The following CAST variants were observed in gnomAD, a reference collection of about 807,000 sequenced individuals.
The protein encoded by CAST is calpastatin, also known as MIR583 host.
In CAST, 76 loss-of-function variants were observed where a neutral mutation model predicts 119.6. That is an observed-to-expected ratio of 0.64 (90% CI 0.53 to 0.77). The LOEUF is 0.77. Among genes scored for constraint, CAST ranks in the 30% least tolerant of loss-of-function variants. The pLI is 0.00. For synonymous variants in CAST, 319 were observed against 331.6 expected (o/e 0.96, Z 0.41); for missense variants, 953 against 946.5 (o/e 1.01, Z -0.09).
At chr5:96,332,800 C>A in the CAST span, among the ~76,000 whole-genome samples, 8 of 152,182 alleles carry the variant, frequency 5.3e-5, no homozygotes, top group Non-Finnish European at 7.3e-5. Flanking sequence ...TTCACATACA[C>A]CCCATTGAGG....
At chr5:96,531,193 A>C (rs1745682561) in intron 1 of CAST, among the ~76,000 whole-genome samples, 1 of 152,208 alleles carries the variant, frequency 6.6e-6, no homozygotes, top group South Asian at 2.1e-4. Flanking sequence ...GATGGAAAGC[A>C]GATGGAAGAG....
At chr5:96,345,401 A>T in the CAST span, among the ~76,000 whole-genome samples, 1 of 152,240 alleles carries the variant, frequency 6.6e-6, no homozygotes, top group East Asian at 1.9e-4. Context: ...GAGAGATTGT[A>T]TCTTGATTCT....
At chr5:96,298,723 T>C in the CAST span, among the ~76,000 whole-genome samples, 1 of 152,224 alleles carries the variant, frequency 6.6e-6, no homozygotes, top group Non-Finnish European at 1.5e-5. Flanking sequence ...AGTCTGTATG[T>C]AGGCTTTTAT....
chr5:96,099,696 G>A, the CAST span, among the ~76,000 whole-genome samples: 1 of 152,180 alleles, frequency 6.6e-6, no homozygotes, highest in Non-Finnish European at 1.5e-5. Flanking sequence ...TGGTTGATAA[G>A]CTTTTTGATG....
intron 1 of CAST, among the ~76,000 whole-genome samples, chr5:96,558,386 A>T (rs1309642509): frequency 6.6e-6 from 1 of 152,154 alleles, no homozygotes; most frequent in East Asian, 1.9e-4. Flanking sequence ...AGAGACACAA[A>T]AAAACCCTTC....
the CAST span, among the ~76,000 whole-genome samples, chr5:96,042,180 C>A: frequency 6.6e-6 from 1 of 151,938 alleles, no homozygotes; most frequent in Non-Finnish European, 1.5e-5. Context: ...GGGATACAGC[C>A]AAAAGTTAGA....
chr5:96,387,220 A>G, the CAST span, among the ~76,000 whole-genome samples: 3 of 152,154 alleles, frequency 2.0e-5, no homozygotes, highest in Admixed American at 6.5e-5. Flanking sequence ...ATATTTTCAG[A>G]CATTTTTGGC....
chr5:96,252,976 A>G, the CAST span, among the ~76,000 whole-genome samples: 1 of 152,160 alleles, frequency 6.6e-6, no homozygotes, highest in African/African-American at 2.4e-5. Flanking sequence ...TGGGCTATTA[A>G]GAAGTGTGTA....
the CAST span, among the ~76,000 whole-genome samples, chr5:96,105,394 T>C: frequency 6.6e-6 from 1 of 152,236 alleles, no homozygotes; most frequent in South Asian, 2.1e-4. Context: ...GCTCTTATTA[T>C]TTTGAAATGT....
At chr5:96,117,167 A>AT in the CAST span, among the ~76,000 whole-genome samples, 45 of 151,064 alleles carry the variant, frequency 3.0e-4, no homozygotes, top group African/African-American at 9.5e-4. Context: ...CATTTTACCT[A>AT]TTTTTTTTTC....
intron 1 of CAST, among the ~76,000 whole-genome samples, chr5:96,668,171 C>T (rs1053602267): frequency 1.3e-5 from 2 of 152,130 alleles, no homozygotes; most frequent in Non-Finnish European, 2.9e-5. Flanking sequence ...CACACACACA[C>T]ACCCTTTCAA....
the CAST span, among the ~76,000 whole-genome samples, chr5:96,491,715 T>C: frequency 1.3e-5 from 2 of 152,084 alleles, no homozygotes; most frequent in Admixed American, 6.5e-5. Context: ...GGAATAGTCA[T>C]AGTAGCAGCA....
chr5:96,701,932 T>G (rs1753957190), intron 3 of CAST, among the ~76,000 whole-genome samples: 1 of 152,132 alleles, frequency 6.6e-6, no homozygotes, highest in Non-Finnish European at 1.5e-5. Flanking sequence ...AAGGTAGCTG[T>G]GAGGAGTACC....
the CAST span, among the ~76,000 whole-genome samples, chr5:96,250,131 A>G: frequency 1.3e-5 from 2 of 152,276 alleles, no homozygotes; most frequent in African/African-American, 4.8e-5. Flanking sequence ...CTCAAATGAC[A>G]TGATTTCAAG....
chr5:96,238,879 T>C, the CAST span, among the ~76,000 whole-genome samples: 1 of 152,160 alleles, frequency 6.6e-6, no homozygotes, highest in Non-Finnish European at 1.5e-5. Context: ...GGATTGAAAA[T>C]GATTGTACAT....
chr5:96,120,780 T>C, the CAST span, among the ~76,000 whole-genome samples: 5 of 150,040 alleles, frequency 3.3e-5, no homozygotes, highest in Admixed American at 3.3e-4. Context: ...TTTTGTGACC[T>C]TATCTCTTTC....
At chr5:96,423,276 C>A in the CAST span, 2 of 1,581,098 alleles carry the variant, frequency 1.3e-6, no homozygotes, top group Non-Finnish European at 1.7e-6. Flanking sequence ...GCACAGACAG[C>A]TCCCTAAGTC....
the CAST span, among the ~76,000 whole-genome samples, chr5:96,478,492 GC>G: frequency 2.0e-5 from 3 of 152,254 alleles, no homozygotes; most frequent in East Asian, 5.8e-4. Flanking sequence ...GTTTTTCTGT[GC>G]TGTCACTTCT....
intron 1 of CAST, among the ~76,000 whole-genome samples, chr5:96,582,199 A>AAAAAG (rs139296129): frequency 0.078 from 11,843 of 152,202 alleles, 954 homozygotes; most frequent in East Asian, 0.31. Flanking sequence ...AAAGGAAAAG[A>AAAAAG]AAGAGAGGCA....
Sources: allele counts gnomAD v4.1 joint callset (sites outside exome capture counted in the v4.1 genomes callset), GRCh38; gene constraint gnomAD v4.1.1; transcripts MANE v1.5; gene names NCBI Gene and HGNC (gene_info 2026-07-23, HGNC 2026-07-21).